FOXP1: variants seen among roughly 807,000 people sequenced by gnomAD.
FOXP1 encodes forkhead box protein P1.
A neutral mutation model predicts 98.2 loss-of-function variants in FOXP1; 15 were observed. The ratio of observed to expected loss-of-function variants is 0.15; its 90% CI spans 0.10 to 0.24. The LOEUF is 0.24. FOXP1 is among the 10% of genes least tolerant of loss of function. The pLI, the probability that FOXP1 is intolerant of heterozygous loss-of-function variation, is 1.00. For synonymous variants in FOXP1, 371 were observed against 314.5 expected, an observed-to-expected ratio of 1.18 and a Z score of -1.90; for missense variants, 633 against 848.5, an observed-to-expected ratio of 0.75 and a Z score of 3.15.
intron 6 of FOXP1, among the ~76,000 whole-genome samples, chr3:71,119,535 A>C (rs831449): frequency 0.064 from 9,710 of 152,300 alleles, 433 homozygotes; most frequent in Middle Eastern, 0.14. Flanking sequence ...GCATAGGAAC[A>C]TTAGTAGGAA....
At chr3:70,963,409 T>C (rs1034662814) in intron 20 of FOXP1, among the ~76,000 whole-genome samples, 1 of 152,158 alleles carries the variant, frequency 6.6e-6, no homozygotes, top group African/African-American at 2.4e-5. Context: ...CAAAAGAGGA[T>C]GGGATTCCAC....
intron 3 of FOXP1, among the ~76,000 whole-genome samples, chr3:71,428,880 G>C (rs182619032): frequency 2.0e-5 from 3 of 152,256 alleles, no homozygotes; most frequent in African/African-American, 4.8e-5. Flanking sequence ...AACCTGGCTC[G>C]GCCAGGAGGC....
At chr3:71,306,631 CAAAAAA>C (rs66479255) in intron 4 of FOXP1, among the ~76,000 whole-genome samples, 74 of 42,842 alleles carry the variant, frequency 1.7e-3, no homozygotes, top group African/African-American at 6.0e-3. Context: ...GAGAATAAGC[CAAAAAA>C]AAAAAAAAAA....
At chr3:71,189,357 C>CT (rs2062833755) in intron 6 of FOXP1, among the ~76,000 whole-genome samples, 1 of 152,192 alleles carries the variant, frequency 6.6e-6, no homozygotes, top group South Asian at 2.1e-4. Flanking sequence ...TCCCATGTGA[C>CT]TTTTGGAAGA....
chr3:70,984,140 G>A (rs1359661642), intron 14 of FOXP1, among the ~76,000 whole-genome samples: 1 of 152,190 alleles, frequency 6.6e-6, no homozygotes, highest in Admixed American at 6.5e-5. Context: ...ATGTACCTGA[G>A]AGCTAGAGCT....
At chr3:71,066,065 G>A (rs1418889141) in intron 7 of FOXP1, among the ~76,000 whole-genome samples, 2 of 119,656 alleles carry the variant, frequency 1.7e-5, no homozygotes, top group African/African-American at 6.5e-5. Flanking sequence ...GGAGTAGTGT[G>A]ACATCAATGA....
chr3:71,341,895 T>C (rs2077031734), intron 4 of FOXP1, among the ~76,000 whole-genome samples: 1 of 152,216 alleles, frequency 6.6e-6, no homozygotes, highest in African/African-American at 2.4e-5. Flanking sequence ...TCAAAGTTAT[T>C]TATCCATGGA....
chr3:71,356,362 G>A lies in FOXP1; in HGVS notation c.-73+2788C>T, dbSNP rs143789472. ...CACGTGTCCTTGCAGATGTGCAGCA[G>A]GACAAGCTCCCAAGGCTGTACTTGC... is the stretch of plus-strand genomic sequence containing the variant. On this transcript the variant is annotated intron_variant, in intron 4 of 20. Coordinates refer to ENST00000649528, the MANE Select transcript of FOXP1 (RefSeq NM_001349338.3). Among the ~76,000 whole-genome samples, 23 of 152,256 alleles carry A rather than the reference G, an allele frequency of 1.5e-4. No homozygotes were observed. The East Asian group carries it at 4.4e-3, about 29-fold the overall frequency.
At chr3:71,529,780 A>G (rs577001982) in intron 2 of FOXP1, among the ~76,000 whole-genome samples, 65 of 152,246 alleles carry the variant, frequency 4.3e-4, no homozygotes, top group Middle Eastern at 3.4e-3. Flanking sequence ...GCCCCTTCCT[A>G]CATACCTTGT....
intron 3 of FOXP1, among the ~76,000 whole-genome samples, chr3:71,411,881 G>A (rs1293601416): frequency 6.6e-6 from 1 of 152,096 alleles, no homozygotes; most frequent in African/African-American, 2.4e-5. Flanking sequence ...AGGGGAAGCG[G>A]GCATCCCATT....
At chr3:71,009,990 A>G (rs2043356385) in intron 12 of FOXP1, among the ~76,000 whole-genome samples, 1 of 149,966 alleles carries the variant, frequency 6.7e-6, no homozygotes, top group Non-Finnish European at 1.5e-5. Context: ...TCTTGGCCTC[A>G]AGAAATCCTT....
At chr3:71,436,094 G>C (rs1161681815) in intron 3 of FOXP1, among the ~76,000 whole-genome samples, 1 of 151,844 alleles carries the variant, frequency 6.6e-6, no homozygotes, top group Non-Finnish European at 1.5e-5. Context: ...ATTTTTCAGG[G>C]AATGTGGGTT....
chr3:71,427,762 G>C (rs1320451542), intron 3 of FOXP1, among the ~76,000 whole-genome samples: 2 of 152,164 alleles, frequency 1.3e-5, no homozygotes, highest in Non-Finnish European at 2.9e-5. Flanking sequence ...ACAATAAAGA[G>C]GATGCCTGGC....
At chr3:71,050,575 T>C (rs981385026) in intron 9 of FOXP1, among the ~76,000 whole-genome samples, 11 of 152,240 alleles carry the variant, frequency 7.2e-5, no homozygotes, top group African/African-American at 2.7e-4. Flanking sequence ...ATTCTCCCTT[T>C]TGAAGGCTGT....
chr3:71,404,792 T>C (rs976541681), intron 3 of FOXP1, among the ~76,000 whole-genome samples: 3 of 152,118 alleles, frequency 2.0e-5, no homozygotes, highest in Non-Finnish European at 4.4e-5. Flanking sequence ...AGAAGCCCCA[T>C]AGGCCTCACA....
At chr3:71,283,838 G>C (rs1322077489) in intron 5 of FOXP1, among the ~76,000 whole-genome samples, 1 of 152,132 alleles carries the variant, frequency 6.6e-6, no homozygotes, top group Non-Finnish European at 1.5e-5. Context: ...ATAAAGAAAT[G>C]AATTTAAAGC....
At chr3:71,446,638 G>C (rs566671843) in intron 3 of FOXP1, among the ~76,000 whole-genome samples, 1 of 152,158 alleles carries the variant, frequency 6.6e-6, no homozygotes, top group Admixed American at 6.5e-5. Context: ...TTCCTATGAA[G>C]TCATGTTCTT....
chr3:71,387,315 C>A (rs1281909871), intron 3 of FOXP1, among the ~76,000 whole-genome samples: 2 of 152,134 alleles, frequency 1.3e-5, no homozygotes, highest in Non-Finnish European at 2.9e-5. Context: ...CTCAGAACAC[C>A]AAAGTCTAAA....
chr3:71,506,127 T>C (rs1402550371), intron 2 of FOXP1, among the ~76,000 whole-genome samples: 1 of 152,150 alleles, frequency 6.6e-6, no homozygotes, highest in Non-Finnish European at 1.5e-5. Context: ...GAGGGAGCAA[T>C]CACTTCCAAC....
Sources: allele counts gnomAD v4.1 joint callset (sites outside exome capture counted in the v4.1 genomes callset), GRCh38; gene constraint gnomAD v4.1.1; transcripts MANE v1.5; gene names NCBI Gene and HGNC (gene_info 2026-07-23, HGNC 2026-07-21).